Variants in ADGRL3 observed in about 807,000 individuals in gnomAD.
ADGRL3 encodes the protein calcium-independent alpha-latrotoxin receptor 3.
In ADGRL3, 62 loss-of-function variants were observed where a neutral mutation model predicts 153.5. The ratio of observed to expected loss-of-function variants is 0.40; its 90% CI spans 0.33 to 0.50. ADGRL3 has a LOEUF of 0.50. Ranked by LOEUF, ADGRL3 falls within the 20% of genes least tolerant of loss-of-function variation. The pLI is 0.47. For missense variants in ADGRL3, 1,641 were observed against 1,859.4 expected, an observed-to-expected ratio of 0.88 and a Z score of 2.16; for synonymous variants, 710 against 672.5, an observed-to-expected ratio of 1.06 and a Z score of -0.86.
chr4:62,051,484 A>T (rs1734181589), intron 25 of ADGRL3, among the ~76,000 whole-genome samples: 1 of 151,094 alleles, frequency 6.6e-6, no homozygotes, highest in African/African-American at 2.4e-5. Flanking sequence ...CTTGGCTATA[A>T]ATCGTTGGCA....
At chr4:61,490,137 G>T (rs983420923) in intron 2 of ADGRL3, among the ~76,000 whole-genome samples, 2 of 151,806 alleles carry the variant, frequency 1.3e-5, no homozygotes, top group Non-Finnish European at 2.9e-5. Context: ...AATCCAAAAC[G>T]TTCTTCCTCC....
At chr4:61,416,540 G>T (rs892041963) in intron 2 of ADGRL3, among the ~76,000 whole-genome samples, 2 of 152,142 alleles carry the variant, frequency 1.3e-5, no homozygotes, top group African/African-American at 4.8e-5. Flanking sequence ...CTTCCTATTT[G>T]CAACAAGCCA....
At position 61,281,994 on chromosome 4, in the gene ADGRL3, G is replaced by A. The variant is rs558100461; in HGVS notation, c.-240+80229G>A. Among the ~76,000 whole-genome samples the A allele has an allele frequency of 2.0e-4, 30 of 152,128 alleles. No homozygotes were observed. The South Asian group carries it at 6.0e-3, about 30-fold the overall frequency. Reference sequence around the variant, plus strand: ...GGCTCTGTCTCTAGCTCCTCTAGCTGTGGGAACTATATCTAACTTGTCTTT... The same window carrying A: ...GGCTCTGTCTCTAGCTCCTCTAGCTATGGGAACTATATCTAACTTGTCTTT... On this transcript the variant is annotated intron_variant, in intron 1 of 26. Transcript: ENST00000683033.
rs539606067 is a variant in ADGRL3, at chr4:61,670,024, G to A, written c.474-6802G>A. Among the ~76,000 whole-genome samples, 15 of 152,252 alleles carry A rather than the reference G, an allele frequency of 9.9e-5. No homozygotes were observed. In the Middle Eastern group the frequency reaches 0.01, roughly 104 times the overall value. ...ACTTAAATTATTTTAGGCTGGGTGC[G>A]GTGGCTCATGCCTGTAATCCCAGCA... On this transcript the variant is annotated intron_variant, in intron 5 of 26. Transcript: ENST00000683033.
At chr4:61,859,979 C>T (rs1312072706) in intron 9 of ADGRL3, among the ~76,000 whole-genome samples, 2 of 152,020 alleles carry the variant, frequency 1.3e-5, no homozygotes, top group Non-Finnish European at 2.9e-5. Context: ...CAACACTATA[C>T]TAAAAGTGAA....
intron 13 of ADGRL3, among the ~76,000 whole-genome samples, chr4:61,922,129 C>T (rs563295002): frequency 5.9e-4 from 90 of 152,208 alleles, no homozygotes; most frequent in African/African-American, 2.0e-3. Context: ...CCTTATTGTC[C>T]GGACTGAGTT....
chr4:61,682,477 T>C (rs1297575888), intron 6 of ADGRL3, among the ~76,000 whole-genome samples: 1 of 152,062 alleles, frequency 6.6e-6, no homozygotes, highest in African/African-American at 2.4e-5. Context: ...GCCAAAAATA[T>C]TGCATATTCA....
intron 2 of ADGRL3, among the ~76,000 whole-genome samples, chr4:61,442,091 C>A (rs1227949464): frequency 6.6e-6 from 1 of 152,052 alleles, no homozygotes. Flanking sequence ...GTGAGTAAGA[C>A]CCCCACCCAG....
At chr4:61,562,064 A>G (rs983710267) in intron 4 of ADGRL3, among the ~76,000 whole-genome samples, 1 of 152,206 alleles carries the variant, frequency 6.6e-6, no homozygotes, top group Non-Finnish European at 1.5e-5. Context: ...ATATTGCAAT[A>G]AAGCAAGAAT....
chr4:61,534,894 G>A (rs1482366680), intron 4 of ADGRL3, among the ~76,000 whole-genome samples: 2 of 152,092 alleles, frequency 1.3e-5, no homozygotes, highest in East Asian at 1.9e-4. Context: ...GAGATAATTT[G>A]ACTTCCTCTT....
chr4:61,204,949 T>C (rs1373773281), intron 1 of ADGRL3, among the ~76,000 whole-genome samples: 1 of 152,140 alleles, frequency 6.6e-6, no homozygotes. Context: ...ATCATGATCT[T>C]CTTAACATTT....
intron 1 of ADGRL3, among the ~76,000 whole-genome samples, chr4:61,377,078 A>T (rs1032211015): frequency 2.0e-5 from 3 of 152,114 alleles, no homozygotes; most frequent in African/African-American, 7.2e-5. Context: ...GGCTGGGTAT[A>T]TAGAAGACAC....
intron 1 of ADGRL3, among the ~76,000 whole-genome samples, chr4:61,299,872 T>C (rs1398152351): frequency 6.6e-6 from 1 of 152,140 alleles, no homozygotes; most frequent in African/African-American, 2.4e-5. Flanking sequence ...ACCAAGAAAA[T>C]TTAACTTTTA....
chr4:61,443,206 A>G (rs1346732138), intron 2 of ADGRL3, among the ~76,000 whole-genome samples: 4 of 152,186 alleles, frequency 2.6e-5, no homozygotes, highest in Non-Finnish European at 5.9e-5. Context: ...CAACTGAAGT[A>G]ATTTTCGAAA....
At chr4:61,934,015 C>T (rs1445224858) in intron 13 of ADGRL3, 1 of 152,150 alleles carries the variant, frequency 6.6e-6, no homozygotes, top group Non-Finnish European at 1.5e-5. Context: ...CAAGACCTTA[C>T]TGGAAGAACT....
At chr4:61,494,225 A>G (rs1399809559) in intron 2 of ADGRL3, among the ~76,000 whole-genome samples, 1 of 152,068 alleles carries the variant, frequency 6.6e-6, no homozygotes, top group African/African-American at 2.4e-5. Flanking sequence ...GGCAGCTCAT[A>G]ATTTCTTCCA....
intron 9 of ADGRL3, among the ~76,000 whole-genome samples, chr4:61,860,918 T>G (rs1425061747): frequency 6.6e-6 from 1 of 152,190 alleles, no homozygotes; most frequent in Non-Finnish European, 1.5e-5. Flanking sequence ...GGAACCATGT[T>G]CAGTCTGATC....
At chr4:61,312,199 A>T (rs1404091028) in intron 1 of ADGRL3, among the ~76,000 whole-genome samples, 1 of 152,176 alleles carries the variant, frequency 6.6e-6, no homozygotes, top group African/African-American at 2.4e-5. Flanking sequence ...TGGTGCTGCA[A>T]TAACTAGATA....
chr4:61,876,530 G>C (rs2098476271), intron 9 of ADGRL3, among the ~76,000 whole-genome samples: 1 of 152,002 alleles, frequency 6.6e-6, no homozygotes, highest in South Asian at 2.1e-4. Flanking sequence ...ATCCAAAAAT[G>C]ACAATTTCAC....
Sources: allele counts gnomAD v4.1 joint callset (sites outside exome capture counted in the v4.1 genomes callset), GRCh38; gene constraint gnomAD v4.1.1; transcripts MANE v1.5; gene names NCBI Gene and HGNC (gene_info 2026-07-23, HGNC 2026-07-21).